The following COX5A variants were observed in gnomAD, a reference collection of about 807,000 sequenced individuals.
The protein encoded by COX5A is cytochrome c oxidase subunit 5A, mitochondrial.
A neutral mutation model predicts 16.1 loss-of-function variants in COX5A; 6 were observed. The observed-to-expected ratio is 0.37, with a 90% CI of 0.20 to 0.73. The LOEUF (loss-of-function observed/expected upper bound fraction) is 0.73, where lower values mean the gene tolerates loss of function less well. Among genes scored for constraint, COX5A ranks in the 30% least tolerant of loss-of-function variants. COX5A has a pLI of 0.50. For synonymous variants in COX5A, 73 were observed against 73.8 expected (o/e 0.99, Z 0.06); for missense variants, 159 against 194.9 (o/e 0.82, Z 1.10).
chr15:74,923,816 G>A (rs773684468), intron 3 of COX5A, 46 bp from the exon 4 acceptor site: 7 of 1,214,674 alleles, frequency 5.8e-6, no homozygotes, highest in Non-Finnish European at 1.2e-6. Context: ...CAAAAGCCAT[G>A]TCTATTAATT....
intron 1 of COX5A, among the ~76,000 whole-genome samples, chr15:74,929,836 T>C (rs2065358854): frequency 6.6e-6 from 1 of 151,370 alleles, no homozygotes; most frequent in Non-Finnish European, 1.5e-5. Flanking sequence ...TCCCAGCACT[T>C]TGGGAGGCCG....
rs550162851 is a variant in COX5A at position 74,937,530 on chromosome 15, G to A, written c.100+385C>T. Among the ~76,000 whole-genome samples the A allele has an allele frequency of 2.1e-3, 327 of 152,306 alleles. 3 individuals carry two copies. Among genetic ancestry groups the A allele is most frequent in the African/African-American group, 7.6e-3 (315 of 41,566 alleles). ...TCCTCGGACCCCAAGCGGCGTGCCC[G>A]GAGGCTCAATGTCACCTTCGCCGAG... On this transcript the variant is annotated intron_variant, in intron 1 of 4. Transcript: ENST00000322347.
At position 74,919,792 on chromosome 15, in the gene COX5A, TTGTTTTA is replaced by T. The variant is rs1206581127; in HGVS notation, c.*653_*659del. ...ATGGCGCTTCTAAGACAAGCAGGAT[TTGTTTTA>T]CTCAGCTGTTTAATCAGAATGCCTC... is the stretch of plus-strand genomic sequence containing the variant. On this transcript the variant is annotated 3_prime_UTR_variant, in exon 5 of 5. Coordinates refer to ENST00000322347, the MANE Select transcript of COX5A (RefSeq NM_004255.4). The T allele has an allele frequency of 6.6e-6, 1 of 152,302 alleles. No individual in the cohort carries two copies. Among genetic ancestry groups the T allele is most frequent in the Non-Finnish European group, 1.5e-5 (1 of 68,142 alleles). 9.4% of individuals were successfully genotyped at this position (152,302 alleles called of 1,614,324 possible).
At chr15:74,934,275 A>T (rs1156777145) in intron 1 of COX5A, among the ~76,000 whole-genome samples, 4 of 152,192 alleles carry the variant, frequency 2.6e-5, no homozygotes, top group African/African-American at 9.6e-5. Context: ...ATAAAAATTT[A>T]AAAACCCATA....
chr15:74,937,927 C>A lies in COX5A; in HGVS notation c.88G>T (p.Gly30Cys). The A allele has an allele frequency of 8.1e-7, 1 of 1,232,094 alleles. No individual in the cohort carries two copies. The highest frequency in any genetic ancestry group is 4.1e-5 in the South Asian group (1 of 24,346). 76.3% of individuals were successfully genotyped at this position (1,232,094 alleles called of 1,614,324 possible). ...GCAGGGGCCTTACCCACGGCGGGGC[C>A]GGGGGTCCGGGCGGAGTGCAGGAGG... is the stretch of plus-strand genomic sequence containing the variant. ...RGLLHSARTPGPAVAIQSVRC... is the reference protein window; with the variant it reads ...RGLLHSARTPCPAVAIQSVRC... Residue 30 changes from glycine (G) to cysteine (C), a missense_variant, in exon 1 of 5, where the codon GGC becomes TGC. Gly to Cys is a radical substitution (Grantham distance 159). Transcript: ENST00000322347.
rs755102623 is a variant in COX5A, at chr15:74,923,691, G to C, written c.419C>G (p.Ser140Cys). 6 of 1,611,524 alleles carry C rather than the reference G, an allele frequency of 3.7e-6. No individual in the cohort carries two copies. The highest frequency in any genetic ancestry group is 5.1e-6 in the Non-Finnish European group (6 of 1,179,544). Residue 140 changes from serine (S) to cysteine (C), a missense_variant, in exon 4 of 5, where the codon TCC becomes TGC. By Grantham distance (112) the Ser-to-Cys change is moderately radical (BLOSUM62 -1). Coordinates refer to ENST00000322347, the MANE Select transcript of COX5A (RefSeq NM_004255.4). ...GTCAAGGCCCAGTTCCTCCGGAGTG[G>C]AGATTCCCAGTTCATTTAAAGTTGG... ...LRPTLNELGI[S>C]TPEELGLDKV is the part of the protein sequence containing the mutation.
rs1033556330 is a variant in COX5A at position 74,937,978 on chromosome 15, C to T, written c.37G>A (p.Ala13Thr). Residue 13 changes from alanine (A) to threonine (T), a missense_variant, in exon 1 of 5, where the codon GCA becomes ACA. By Grantham distance (58) the Ala-to-Thr change is moderately conservative. Coordinates refer to ENST00000322347, the MANE Select transcript of COX5A (RefSeq NM_004255.4). Reference sequence around the variant, plus strand: ...CCTCGAGGGTCGGCCCGGGTGGTTGCGGCCACAGCGCAGCGGCGGAGAGCG... The same window carrying T: ...CCTCGAGGGTCGGCCCGGGTGGTTGTGGCCACAGCGCAGCGGCGGAGAGCG... ...GAALRRCAVA[A>T]TTRADPRGLL... 20 of 1,232,616 alleles carry T rather than the reference C, an allele frequency of 1.6e-5. No individual in the cohort carries two copies. Among genetic ancestry groups the T allele is most frequent in the Non-Finnish European group, 1.8e-5 (18 of 988,146 alleles). The allele number at this position is 1,232,616 out of a possible 1,614,324, so 76.4% of individuals were successfully genotyped here.
intron 2 of COX5A, among the ~76,000 whole-genome samples, chr15:74,928,403 G>C (rs1355704984): frequency 3.3e-5 from 5 of 150,126 alleles, no homozygotes; most frequent in African/African-American, 1.2e-4. Context: ...TTTTTTTTCT[G>C]AGACAGAGTC....
chr15:74,937,943 G>C lies in COX5A; in HGVS notation c.72C>G (p.His24Gln). The change falls in exon 1 of 5, where the codon CAC becomes CAG. Residue 24 changes from histidine to glutamine, a missense_variant. His to Gln is a conservative substitution (Grantham distance 24). Coordinates refer to ENST00000322347, the MANE Select transcript of COX5A (RefSeq NM_004255.4). ...TTRADPRGLL[H>Q]SARTPGPAVA... ...CGGCGGGGCCGGGGGTCCGGGCGGA[G>C]TGCAGGAGGCCTCGAGGGTCGGCCC... 8.1e-7 allele frequency: 1 copy of C among 1,232,802 alleles called. No homozygotes were observed. The allele number at this position is 1,232,802 out of a possible 1,614,324, so 76.4% of individuals were successfully genotyped here. A position where few individuals can be genotyped will look rare whatever the true frequency, so the allele number is the denominator to read the frequency against.
intron 4 of COX5A, among the ~76,000 whole-genome samples, chr15:74,921,557 C>A (rs1277398410): frequency 6.6e-6 from 1 of 151,110 alleles, no homozygotes. Flanking sequence ...TGGCGAAACC[C>A]GGTCTCTACT....
chr15:74,923,463 A>T, intron 4 of COX5A, 185 bp downstream of exon 4: 1 of 499,440 alleles, frequency 2.0e-6, no homozygotes, highest in Non-Finnish European at 3.5e-6. Flanking sequence ...GAAAATAATG[A>T]CAACAACTAG....
intron 4 of COX5A, among the ~76,000 whole-genome samples, chr15:74,921,477 C>G (rs1480197760): frequency 6.6e-6 from 1 of 151,010 alleles, no homozygotes; most frequent in Non-Finnish European, 1.5e-5. Flanking sequence ...CACCTGTAAG[C>G]CCAGCACTTT....
chr15:74,930,266 A>G (rs2065360955), intron 1 of COX5A, among the ~76,000 whole-genome samples: 1 of 151,560 alleles, frequency 6.6e-6, no homozygotes, highest in South Asian at 2.1e-4. Flanking sequence ...AAAAGTATAA[A>G]AATTAGCTGG....
At chr15:74,926,990 C>T (rs1211446579) in intron 2 of COX5A, 103 bp from the exon 3 acceptor site, 6 of 1,280,698 alleles carry the variant, frequency 4.7e-6, no homozygotes, top group South Asian at 1.5e-5. Context: ...TCTTATCTGT[C>T]TGGGTCTCCA....
intron 1 of COX5A, among the ~76,000 whole-genome samples, chr15:74,931,836 G>GA (rs2065368935): frequency 6.6e-6 from 1 of 152,026 alleles, no homozygotes; most frequent in Admixed American, 6.6e-5. Flanking sequence ...TTACAGACGC[G>GA]AGCCACTGCA....
chr15:74,921,949 A>T (rs2065323127), intron 4 of COX5A, among the ~76,000 whole-genome samples: 1 of 152,152 alleles, frequency 6.6e-6, no homozygotes, highest in Non-Finnish European at 1.5e-5. Context: ...ATAATTTGGA[A>T]GGCCAAGGTG....
At chr15:74,925,607 C>T (rs1467778804) in intron 3 of COX5A, among the ~76,000 whole-genome samples, 3 of 151,928 alleles carry the variant, frequency 2.0e-5, no homozygotes, top group Admixed American at 6.6e-5. Flanking sequence ...AGGCTGGTCT[C>T]GAACTCTTGA....
intron 3 of COX5A, 149 bp downstream of exon 3, chr15:74,926,617 G>T: frequency 1.4e-6 from 1 of 708,176 alleles, no homozygotes; most frequent in Non-Finnish European, 2.1e-6. Flanking sequence ...GTAGCCTCTA[G>T]AAAGATTTTA....
Position 74,920,091 on chromosome 15 carries a change from C to CT in COX5A, c.*360dup, listed in dbSNP as rs1166064123. 2.4e-6 allele frequency: 1 copy of CT among 423,000 alleles called. No homozygotes were observed. Among genetic ancestry groups the CT allele is most frequent in the African/African-American group, 2.1e-5 (1 of 47,636 alleles). 26.2% of individuals were successfully genotyped at this position (423,000 alleles called of 1,614,324 possible). ...CAAGAAAATTCTATATAAATGACTT[C>CT]TAGCCTTCAGCTAATTTACAAGCTA... On this transcript the variant is annotated 3_prime_UTR_variant, in exon 5 of 5. Coordinates refer to ENST00000322347, the MANE Select transcript of COX5A (RefSeq NM_004255.4).
Sources: allele counts gnomAD v4.1 joint callset (sites outside exome capture counted in the v4.1 genomes callset), GRCh38; gene constraint gnomAD v4.1.1; transcripts MANE v1.5; gene names NCBI Gene and HGNC (gene_info 2026-07-23, HGNC 2026-07-21).